SEMA3A: variants seen among roughly 807,000 people sequenced by gnomAD.
SEMA3A encodes the protein semaphorin 3A.
A neutral mutation model predicts 97.9 loss-of-function variants in SEMA3A; 29 were observed. That is an observed-to-expected ratio of 0.30 (90% CI 0.22 to 0.40). SEMA3A has a LOEUF of 0.40. Among genes scored for constraint, SEMA3A ranks in the 10% least tolerant of loss-of-function variants. The pLI, the probability that SEMA3A is intolerant of heterozygous loss-of-function variation, is 1.00. For synonymous variants in SEMA3A, 321 were observed against 323.7 expected, an observed-to-expected ratio of 0.99 and a Z score of 0.09; for missense variants, 763 against 951.3, an observed-to-expected ratio of 0.80 and a Z score of 2.60.
At chr7:84,434,891 C>T (rs1034066703) in intron 1 of SEMA3A, among the ~76,000 whole-genome samples, 3 of 152,114 alleles carry the variant, frequency 2.0e-5, no homozygotes, top group African/African-American at 7.2e-5. Context: ...ATGATTAATG[C>T]ATAGCCAACA....
chr7:84,199,743 A>G (rs758995865), upstream of SEMA3A, among the ~76,000 whole-genome samples: 1 of 152,128 alleles, frequency 6.6e-6, no homozygotes. Flanking sequence ...TTTCTAAAAA[A>G]GAATTCTGTG....
intron 3 of SEMA3A, among the ~76,000 whole-genome samples, chr7:84,123,965 G>A (rs942509556): frequency 3.9e-5 from 6 of 151,914 alleles, no homozygotes; most frequent in Admixed American, 6.6e-5. Flanking sequence ...TGCAAAACTC[G>A]GCAGAGAGTA....
chr7:84,376,393 G>C (rs1226796111), intron 1 of SEMA3A, among the ~76,000 whole-genome samples: 1 of 116,030 alleles, frequency 8.6e-6, no homozygotes, highest in Non-Finnish European at 1.9e-5. Flanking sequence ...ACGAGGTCAG[G>C]AGATCGAGAC....
intron 1 of SEMA3A, among the ~76,000 whole-genome samples, chr7:84,186,312 C>A (rs1352593333): frequency 6.6e-6 from 1 of 152,086 alleles, no homozygotes; most frequent in Non-Finnish European, 1.5e-5. Context: ...AGAAATCTGA[C>A]AGATGAGTTA....
Position 84,165,242 on chromosome 7 carries a change from G to A in SEMA3A, c.112+29233C>T, listed in dbSNP as rs117970837. 4.8e-3 allele frequency among the ~76,000 whole-genome samples: 737 copies of A among 152,088 alleles called. 4 individuals carry two copies. Among genetic ancestry groups the A allele is most frequent in the Middle Eastern group, 0.01 (3 of 294 alleles). Reference sequence around the variant, plus strand: ...AATAAATAAATAAAATATCTCTGCTGTGACAAGAACTCATCAACATCTCAT... The same window carrying A: ...AATAAATAAATAAAATATCTCTGCTATGACAAGAACTCATCAACATCTCAT... On this transcript the variant is annotated intron_variant, in intron 1 of 16. Coordinates refer to ENST00000265362, the MANE Select transcript of SEMA3A (RefSeq NM_006080.3).
chr7:84,367,903 T>C (rs1802890327), intron 2 of SEMA3A, among the ~76,000 whole-genome samples: 1 of 151,246 alleles, frequency 6.6e-6, no homozygotes, highest in Non-Finnish European at 1.5e-5. Flanking sequence ...CTTGAAGAAA[T>C]CTTAGCTTTA....
chr7:83,981,879 T>G (rs1229838031), intron 13 of SEMA3A, among the ~76,000 whole-genome samples: 1 of 152,182 alleles, frequency 6.6e-6, no homozygotes, highest in Non-Finnish European at 1.5e-5. Flanking sequence ...GAACCATTGC[T>G]TCTGACTTCT....
rs566466269 is a variant in SEMA3A, at chr7:83,963,254, G to A, written c.1811C>T (p.Ala604Val). The A allele has an allele frequency of 8.1e-6, 13 of 1,613,520 alleles. No individual in the cohort carries two copies. Among genetic ancestry groups the A allele is most frequent in the South Asian group, 6.6e-5 (6 of 91,062 alleles). Residue 604 changes from alanine (A) to valine (V), a missense_variant, in exon 16 of 17, where the codon GCG becomes GTG. By Grantham distance (64) the Ala-to-Val change is moderately conservative. Coordinates refer to ENST00000265362, the MANE Select transcript of SEMA3A (RefSeq NM_006080.3). ...FLECSPKSQR[A>V]LVYWQFQRRN... ...CCTCTGGAATTGCCAATAGACCAGC[G>A]CTCTCTGCGACTTCGGACTGCATTC...
chr7:84,304,744 A>T (rs898367140), intron 3 of SEMA3A, among the ~76,000 whole-genome samples: 44 of 152,140 alleles, frequency 2.9e-4, no homozygotes, highest in Non-Finnish European at 3.8e-4. Context: ...TATCCCTACA[A>T]ACCAGATCAA....
intron 4 of SEMA3A, among the ~76,000 whole-genome samples, chr7:84,083,436 T>G (rs189348141): frequency 9.2e-5 from 14 of 151,946 alleles, no homozygotes; most frequent in East Asian, 1.9e-4. Flanking sequence ...TCATCATTTT[T>G]TTTGTGTGTG....
chr7:84,250,580 G>A (rs930503294), intron 3 of SEMA3A, among the ~76,000 whole-genome samples: 7 of 152,184 alleles, frequency 4.6e-5, no homozygotes, highest in African/African-American at 1.7e-4. Flanking sequence ...GGAGTTGAGA[G>A]GAGGGAGAGG....
chr7:84,165,207 A>AAAAT (rs146165604), intron 1 of SEMA3A, among the ~76,000 whole-genome samples: 17,370 of 151,340 alleles, frequency 0.11, 1,566 homozygotes, highest in African/African-American at 0.25. Flanking sequence ...TCCTCGTCTC[A>AAAAT]AAATAAATAA....
chr7:84,019,544 A>C (rs1336175434), intron 6 of SEMA3A, among the ~76,000 whole-genome samples: 1 of 152,166 alleles, frequency 6.6e-6, no homozygotes, highest in Non-Finnish European at 1.5e-5. Flanking sequence ...TTTAAATACA[A>C]ATATGTACTT....
intron 12 of SEMA3A, among the ~76,000 whole-genome samples, chr7:84,000,672 CTG>C (rs1339698574): frequency 6.6e-6 from 1 of 152,054 alleles, no homozygotes; most frequent in Non-Finnish European, 1.5e-5. Flanking sequence ...GTAGCTATGA[CTG>C]TAGAGTCTAA....
At chr7:83,968,804 CTTTTTTTTT>C (rs34837012) in intron 15 of SEMA3A, among the ~76,000 whole-genome samples, 1 of 86,984 alleles carries the variant, frequency 1.1e-5, no homozygotes, top group Non-Finnish European at 2.1e-5. Context: ...CTTTTCTTTC[CTTTTTTTTT>C]TTTTTTTTTT....
At chr7:84,486,595 T>G (rs1806579220) in intron 1 of SEMA3A, among the ~76,000 whole-genome samples, 1 of 152,140 alleles carries the variant, frequency 6.6e-6, no homozygotes, top group African/African-American at 2.4e-5. Flanking sequence ...CAAAGTTTAT[T>G]CACGAGTATT....
chr7:83,974,604 G>A (rs1024734846), intron 15 of SEMA3A, among the ~76,000 whole-genome samples: 1 of 152,178 alleles, frequency 6.6e-6, no homozygotes, highest in South Asian at 2.1e-4. Flanking sequence ...GTAAGGCTGG[G>A]CTCCGGATTT....
chr7:84,377,341 G>C (rs1803128564), intron 1 of SEMA3A, among the ~76,000 whole-genome samples: 1 of 152,084 alleles, frequency 6.6e-6, no homozygotes, highest in Admixed American at 6.5e-5. Context: ...ACATTGGATA[G>C]AATAATTTCT....
intron 1 of SEMA3A, among the ~76,000 whole-genome samples, chr7:84,470,804 C>T (rs1806127036): frequency 6.6e-6 from 1 of 152,044 alleles, no homozygotes; most frequent in African/African-American, 2.4e-5. Flanking sequence ...ACCTCGTCCC[C>T]ATTCACCCAT....
Sources: allele counts gnomAD v4.1 joint callset (sites outside exome capture counted in the v4.1 genomes callset), GRCh38; gene constraint gnomAD v4.1.1; transcripts MANE v1.5; gene names NCBI Gene and HGNC (gene_info 2026-07-23, HGNC 2026-07-21).